LDLRAD1: variants seen among roughly 807,000 people sequenced by gnomAD.
LDLRAD1 encodes low density lipoprotein receptor class A domain containing 1.
A neutral mutation model predicts 24.8 loss-of-function variants in LDLRAD1; 17 were observed. The ratio of observed to expected loss-of-function variants is 0.69; its 90% confidence interval spans 0.47 to 1.03. The LOEUF is 1.03. Among genes scored for constraint, LDLRAD1 ranks in the 50% least tolerant of loss-of-function variants. The pLI is 0.00. For synonymous variants in LDLRAD1, 103 were observed against 108.2 expected (o/e 0.95, Z 0.30); for missense variants, 277 against 271.0 (o/e 1.02, Z -0.16).
At chr1:54,015,648 T>TTTTGTG (rs1199212802) in intron 2 of LDLRAD1, among the ~76,000 whole-genome samples, 1 of 126,468 alleles carries the variant, frequency 7.9e-6, no homozygotes. Flanking sequence ...GGCTTTTGTT[T>TTTTGTG]TTTTTGTTTT....
At position 54,017,541 on chromosome 1, in the gene LDLRAD1, G is replaced by C. The variant is rs961378454; in HGVS notation, c.22-114C>G. 8 of 835,804 alleles carry C rather than the reference G, an allele frequency of 9.6e-6. No homozygotes were observed. The African/African-American group carries it at 1.3e-4, about 14-fold the overall frequency. 51.8% of individuals were successfully genotyped at this position (835,804 alleles called of 1,614,324 possible). On this transcript the variant is annotated intron_variant, in intron 1 of 5. Coordinates refer to ENST00000371360, the MANE Select transcript of LDLRAD1 (RefSeq NM_001010978.4). ...CTGAGAGAGTCTTAGGTAGAACCAC[G>C]GGTCCGTCACACCCCAGCATCTCAC...
rs147793238 is a variant in LDLRAD1 at position 54,011,686 on chromosome 1, G to C, written c.340+457C>G. 2.1e-4 allele frequency among the ~76,000 whole-genome samples: 32 copies of C among 152,310 alleles called. 1 individual carries two copies. The highest frequency in any genetic ancestry group is 7.7e-4 in the African/African-American group (32 of 41,548). On this transcript the variant is annotated intron_variant, in intron 4 of 5. Coordinates refer to ENST00000371360, the MANE Select transcript of LDLRAD1 (RefSeq NM_001010978.4). ...CAAGCCGTTCTGAATACCCCTCTGTGCTAGGCACTGGGGCCCCGATATCAA... is the reference window on the plus strand; with the variant it reads ...CAAGCCGTTCTGAATACCCCTCTGTCCTAGGCACTGGGGCCCCGATATCAA...
chr1:54,015,443 T>G (rs1326226464), intron 2 of LDLRAD1, among the ~76,000 whole-genome samples: 1 of 152,234 alleles, frequency 6.6e-6, no homozygotes, highest in Admixed American at 6.5e-5. Context: ...CTGGGTGCCC[T>G]GCTGTGCAGC....
chr1:54,008,902 G>T lies in LDLRAD1; in HGVS notation c.*80C>A. 2 of 1,356,482 alleles carry T rather than the reference G, an allele frequency of 1.5e-6. No individual in the cohort carries two copies. Among genetic ancestry groups the T allele is most frequent in the Non-Finnish European group, 2.0e-6 (2 of 984,578 alleles). The allele number at this position is 1,356,482 out of a possible 1,614,324, so 84.0% of individuals were successfully genotyped here. A position where few individuals can be genotyped will look rare whatever the true frequency, so the allele number is the denominator to read the frequency against. ...ATTTCAAAGGCTGCTTCCTGCCCTT[G>T]TGCGCTAGGATTTGATTTTCATGTG... On this transcript the variant is annotated 3_prime_UTR_variant, in exon 6 of 6. Transcript: ENST00000371360.
chr1:54,014,458 G>T, intron 2 of LDLRAD1, 94 bp from the exon 3 acceptor site: 1 of 1,230,696 alleles, frequency 8.1e-7, no homozygotes, highest in Non-Finnish European at 1.1e-6. Context: ...GCTGCAAGCA[G>T]CCTCTCCCCC....
intron 3 of LDLRAD1, among the ~76,000 whole-genome samples, chr1:54,013,052 T>G (rs936359403): frequency 2.6e-5 from 4 of 151,556 alleles, no homozygotes; most frequent in Admixed American, 2.6e-4. Flanking sequence ...CTAGTGTGTG[T>G]GGGGGAGGCG....
chr1:54,016,120 A>G (rs1436772911), intron 2 of LDLRAD1, among the ~76,000 whole-genome samples: 1 of 152,036 alleles, frequency 6.6e-6, no homozygotes, highest in Non-Finnish European at 1.5e-5. Context: ...GGAGGGTGCA[A>G]AGAGAGGGCA....
intron 2 of LDLRAD1, among the ~76,000 whole-genome samples, chr1:54,015,985 G>A (rs1181356582): frequency 3.3e-5 from 5 of 152,096 alleles, no homozygotes; most frequent in African/African-American, 1.2e-4. Flanking sequence ...TGAATATGCC[G>A]ACCTGGGGGT....
chr1:54,008,900 T>TATCATGAAAAAA lies in LDLRAD1; in HGVS notation c.*81_*82insTTTTTTCATGAT. On this transcript the variant is annotated 3_prime_UTR_variant, in exon 6 of 6. Coordinates refer to ENST00000371360, the MANE Select transcript of LDLRAD1 (RefSeq NM_001010978.4). ...CCATTTCAAAGGCTGCTTCCTGCCC[T>TATCATGAAAAAA]TGTGCGCTAGGATTTGATTTTCATG... The TATCATGAAAAAA allele has an allele frequency of 1.7e-6, 2 of 1,191,236 alleles. No homozygotes were observed. Among genetic ancestry groups the TATCATGAAAAAA allele is most frequent in the Admixed American group, 2.7e-5 (1 of 36,556 alleles). 73.8% of individuals were successfully genotyped at this position (1,191,236 alleles called of 1,614,324 possible).
Position 54,009,084 on chromosome 1 carries a change from T to G in LDLRAD1, c.516A>C (p.Ser172=). The change falls in exon 6 of 6, where the codon TCA becomes TCC. Residue 172 remains serine (S), a synonymous_variant. Coordinates refer to ENST00000371360, the MANE Select transcript of LDLRAD1 (RefSeq NM_001010978.4). Reference sequence around the variant, plus strand: ...TACAGTCGCAGTACTTGAAGAAGGTTGAAGGACAGCGCCACCACCCAGGGC... The same window carrying G: ...TACAGTCGCAGTACTTGAAGAAGGTGGAAGGACAGCGCCACCACCCAGGGC... ...PCGPGWWRCP[S]TFFKYCDCIP... The G allele has an allele frequency of 6.2e-7, 1 of 1,613,900 alleles. No individual in the cohort carries two copies. Among genetic ancestry groups the G allele is most frequent in the South Asian group, 1.1e-5 (1 of 91,066 alleles).
intron 2 of LDLRAD1, among the ~76,000 whole-genome samples, chr1:54,015,014 C>T (rs1656242671): frequency 1.3e-5 from 2 of 152,166 alleles, no homozygotes; most frequent in South Asian, 4.1e-4. Context: ...ATAATAGCTA[C>T]CTTAGACTTT....
intron 4 of LDLRAD1, among the ~76,000 whole-genome samples, chr1:54,010,825 C>T (rs1271756379): frequency 6.6e-6 from 1 of 152,186 alleles, no homozygotes; most frequent in Non-Finnish European, 1.5e-5. Flanking sequence ...CAGTTGGGCC[C>T]CGGATCTCAG....
At position 54,014,268 on chromosome 1, in the gene LDLRAD1, A is replaced by T. The variant is rs1656195737; in HGVS notation, c.170T>A (p.Val57Asp). 2 of 1,555,352 alleles carry T rather than the reference A, an allele frequency of 1.3e-6. No homozygotes were observed. The highest frequency in any genetic ancestry group is 1.4e-5 in the African/African-American group (1 of 73,480). ...GCATGATGGGAGTCCAAGAATGGTG[A>T]CCAAGGCGATGAGGGCCGCCACAGT... is the stretch of plus-strand genomic sequence containing the variant. ...LATVAALIAL[V>D]TILGLPSCTP... Residue 57 changes from valine to aspartate, a missense_variant, in exon 3 of 6, where the codon GTC becomes GAC. By Grantham distance (152) the Val-to-Asp change is radical. Transcript: ENST00000371360.
At chr1:54,010,762 C>T (rs551577238) in intron 4 of LDLRAD1, among the ~76,000 whole-genome samples, 1 of 152,332 alleles carries the variant, frequency 6.6e-6, no homozygotes, top group Non-Finnish European at 1.5e-5. Context: ...GTTCCATCAC[C>T]TCCAGGAAGC....
Position 54,014,226 on chromosome 1 carries a change from C to T in LDLRAD1, c.202+10G>A, listed in dbSNP as rs767339237. On this transcript the variant is annotated intron_variant, in intron 3 of 5. Coordinates refer to ENST00000371360, the MANE Select transcript of LDLRAD1 (RefSeq NM_001010978.4). ...CCGGGTCTGACCCACCCTCTCTTGG[C>T]CGCCCTGACCTGGGGTGCATGATGG... 14 of 1,570,660 alleles carry T rather than the reference C, an allele frequency of 8.9e-6. No individual in the cohort carries two copies. Among genetic ancestry groups the T allele is most frequent in the Non-Finnish European group, 1.2e-5 (14 of 1,157,704 alleles).
intron 2 of LDLRAD1, among the ~76,000 whole-genome samples, chr1:54,015,476 C>A (rs905712449): frequency 2.0e-5 from 3 of 152,128 alleles, no homozygotes; most frequent in African/African-American, 7.2e-5. Flanking sequence ...TTGCCCTCTG[C>A]AGCTTGTTAT....
intron 3 of LDLRAD1, among the ~76,000 whole-genome samples, chr1:54,012,597 A>T (rs1371961710): frequency 3.9e-5 from 6 of 152,166 alleles, no homozygotes; most frequent in Non-Finnish European, 1.5e-5. Context: ...AGAACTAGTA[A>T]TGGTTCTCTC....
In LDLRAD1 at chr1:54,018,086, T is replaced by C; in HGVS notation, c.21+6A>G. 3.1e-6 allele frequency: 5 copies of C among 1,612,828 alleles called. No individual in the cohort carries two copies. The highest frequency in any genetic ancestry group is 4.2e-6 in the Non-Finnish European group (5 of 1,178,962). Reference sequence around the variant, plus strand: ...GAGACAACTCTCACCTGGGGACAGCTCTCACCTGGGGGAAGACCTTGTTCA... The same window carrying C: ...GAGACAACTCTCACCTGGGGACAGCCCTCACCTGGGGGAAGACCTTGTTCA... On this transcript the variant is annotated splice_donor_region_variant and intron_variant, in intron 1 of 5. Coordinates refer to ENST00000371360, the MANE Select transcript of LDLRAD1 (RefSeq NM_001010978.4).
chr1:54,011,319 G>A (rs2100247993), intron 4 of LDLRAD1, among the ~76,000 whole-genome samples: 1 of 152,298 alleles, frequency 6.6e-6, no homozygotes, highest in South Asian at 2.1e-4. Context: ...CACTCTGGGA[G>A]GCAGCTCTAA....
Sources: allele counts gnomAD v4.1 joint callset (sites outside exome capture counted in the v4.1 genomes callset), GRCh38; gene constraint gnomAD v4.1.1; transcripts MANE v1.5; gene names NCBI Gene and HGNC (gene_info 2026-07-23, HGNC 2026-07-21).